The following RPS6KA5 variants were observed in gnomAD, a reference collection of about 807,000 sequenced individuals.
RPS6KA5 encodes the protein ribosomal protein S6 kinase alpha-5.
Under a neutral mutation model 85.5 loss-of-function variants are expected in RPS6KA5, and 27 were observed. The observed-to-expected ratio is 0.32, with a 90% CI of 0.23 to 0.44. RPS6KA5 has a LOEUF of 0.44. Ranked by LOEUF, RPS6KA5 falls within the 20% of genes least tolerant of loss-of-function variation. The pLI, the probability that RPS6KA5 is intolerant of heterozygous loss-of-function variation, is 1.00. For synonymous variants in RPS6KA5, 334 were observed against 348.2 expected (o/e 0.96, Z 0.46); for missense variants, 811 against 980.9 (o/e 0.83, Z 2.31).
rs899644656 is a variant in RPS6KA5 at position 90,856,379 on chromosome 14, T to C, written c.*15695A>G. On this transcript the variant is annotated 3_prime_UTR_variant, in exon 17 of 17. Transcript: ENST00000614987. ...TGCGTGATTTTTTTTTTTTTTTTTT[T>C]TGAGACGGAGTTTCACTCTTGTTGC... The C allele has an allele frequency of 6.3e-6, 1 of 158,782 alleles. No homozygotes were observed. The highest frequency in any genetic ancestry group is 2.4e-5 in the African/African-American group (1 of 41,270). The allele number at this position is 158,782 out of a possible 1,614,324, so 9.8% of individuals were successfully genotyped here. A position where few individuals can be genotyped will look rare whatever the true frequency, so the allele number is the denominator to read the frequency against.
rs149802577 is a variant in RPS6KA5 at position 90,909,121 on chromosome 14, G to C, written c.807-2822C>G. ...AGTGTGAACGTCAATCTGAACCCTA[G>C]ACCACTGCTGCCTATGCAGAATGGG... is the stretch of plus-strand genomic sequence containing the variant. On this transcript the variant is annotated intron_variant, in intron 7 of 16. Transcript: ENST00000614987. 3.2e-3 allele frequency among the ~76,000 whole-genome samples: 486 copies of C among 152,318 alleles called. 1 individual carries two copies. The highest frequency in any genetic ancestry group is 0.02 in the Middle Eastern group (6 of 294).
At chr14:90,994,936 CT>C (rs2040457278) in intron 2 of RPS6KA5, among the ~76,000 whole-genome samples, 1 of 152,094 alleles carries the variant, frequency 6.6e-6, no homozygotes, top group Non-Finnish European at 1.5e-5. Flanking sequence ...TCCTTAAGAT[CT>C]AAGTAAATCC....
chr14:91,023,187 T>C (rs2041857559), intron 1 of RPS6KA5, among the ~76,000 whole-genome samples: 1 of 150,612 alleles, frequency 6.6e-6, no homozygotes, highest in Non-Finnish European at 1.5e-5. Context: ...GTGCTCACCA[T>C]CAGGTTGTTT....
Position 91,040,334 on chromosome 14 carries a change from A to G in RPS6KA5, c.103+19998T>C, listed in dbSNP as rs190266789. 9.5e-4 allele frequency among the ~76,000 whole-genome samples: 144 copies of G among 152,314 alleles called. 2 individuals are homozygous for G. The highest frequency in any genetic ancestry group is 4.2e-3 in the Admixed American group (64 of 15,294). ...GAGGCCGGAGAATCGCTTGAACCCG[A>G]GAGGTGGAGGTTCCAGTGAGCCGAG... On this transcript the variant is annotated intron_variant, in intron 1 of 16. Transcript: ENST00000614987.
At chr14:91,052,658 A>G (rs1257803221) in intron 1 of RPS6KA5, among the ~76,000 whole-genome samples, 1 of 149,086 alleles carries the variant, frequency 6.7e-6, no homozygotes, top group Non-Finnish European at 1.5e-5. Context: ...CCCCGTCTCT[A>G]CTAAAAGTAC....
intron 1 of RPS6KA5, among the ~76,000 whole-genome samples, chr14:91,034,365 T>C (rs2042312426): frequency 6.6e-6 from 1 of 151,892 alleles, no homozygotes; most frequent in African/African-American, 2.4e-5. Flanking sequence ...CATAGCTGTC[T>C]GAGGTGATGA....
intron 1 of RPS6KA5, among the ~76,000 whole-genome samples, chr14:91,042,131 T>C (rs2042629652): frequency 6.6e-6 from 1 of 152,234 alleles, no homozygotes; most frequent in Non-Finnish European, 1.5e-5. Flanking sequence ...GAAAACCTCT[T>C]TCAGTAAGTT....
At chr14:91,055,351 T>C (rs2043270230) in intron 1 of RPS6KA5, among the ~76,000 whole-genome samples, 1 of 152,218 alleles carries the variant, frequency 6.6e-6, no homozygotes, top group Admixed American at 6.5e-5. Flanking sequence ...CAGCATTATT[T>C]ACAATAGCCA....
chr14:90,867,046 A>G lies in RPS6KA5; in HGVS notation c.*5028T>C, dbSNP rs1399182650. 2 of 152,210 alleles carry G rather than the reference A, an allele frequency of 1.3e-5. No individual in the cohort carries two copies. Among genetic ancestry groups the G allele is most frequent in the East Asian group, 1.9e-4 (1 of 5,200 alleles). The allele number at this position is 152,210 out of a possible 1,614,324, so 9.4% of individuals were successfully genotyped here. A position where few individuals can be genotyped will look rare whatever the true frequency, so the allele number is the denominator to read the frequency against. On this transcript the variant is annotated 3_prime_UTR_variant, in exon 17 of 17. Transcript: ENST00000614987. ...TCCAACATAGCAGTGCACATTTCAC[A>G]TGACCAGCCTCTTATGTAGTTAAAA... is the stretch of plus-strand genomic sequence containing the variant.
intron 3 of RPS6KA5, among the ~76,000 whole-genome samples, chr14:90,968,882 T>C (rs2039195871): frequency 6.6e-6 from 1 of 152,252 alleles, no homozygotes; most frequent in African/African-American, 2.4e-5. Flanking sequence ...AACAATCTTT[T>C]TATTTTAGCA....
chr14:91,015,476 C>T lies in RPS6KA5; in HGVS notation c.104-14317G>A, dbSNP rs1194609688. On this transcript the variant is annotated intron_variant, in intron 1 of 16. Transcript: ENST00000614987. ...TATGTTTTGAATTACACTTTTCATA[C>T]AAGATATAGTTTCTTATAGTCCAAA... Among the ~76,000 whole-genome samples the T allele has an allele frequency of 9.9e-5, 15 of 152,252 alleles. No individual in the cohort carries two copies. The East Asian group carries it at 2.7e-3, about 27-fold the overall frequency.
At chr14:90,909,852 C>T (rs369649628) in intron 7 of RPS6KA5, among the ~76,000 whole-genome samples, 5 of 151,990 alleles carry the variant, frequency 3.3e-5, no homozygotes, top group East Asian at 1.9e-4. Context: ...AGTGCAGTGG[C>T]GCAATTCTCC....
At chr14:90,913,717 T>C (rs2035958105) in intron 7 of RPS6KA5, among the ~76,000 whole-genome samples, 1 of 152,192 alleles carries the variant, frequency 6.6e-6, no homozygotes, top group Non-Finnish European at 1.5e-5. Flanking sequence ...TCTCCAATCA[T>C]TCCATGATGG....
intron 1 of RPS6KA5, among the ~76,000 whole-genome samples, chr14:91,059,335 T>G (rs56317941): frequency 6.8e-6 from 1 of 146,848 alleles, no homozygotes; most frequent in African/African-American, 2.5e-5. Flanking sequence ...AGCGAAACTC[T>G]GTCTGAAAAA....
intron 2 of RPS6KA5, among the ~76,000 whole-genome samples, chr14:90,993,208 G>A (rs530613756): frequency 2.0e-5 from 3 of 152,244 alleles, no homozygotes; most frequent in African/African-American, 7.2e-5. Context: ...TTGGGAGGCC[G>A]AGGTGGGCAG....
chr14:91,011,235 C>T (rs1481383759), intron 1 of RPS6KA5, among the ~76,000 whole-genome samples: 1 of 152,110 alleles, frequency 6.6e-6, no homozygotes, highest in Non-Finnish European at 1.5e-5. Context: ...TGCCTGTAAT[C>T]CAAGCACTTT....
At chr14:90,928,761 A>C (rs1445174558) in intron 5 of RPS6KA5, among the ~76,000 whole-genome samples, 4 of 151,400 alleles carry the variant, frequency 2.6e-5, no homozygotes, top group Admixed American at 1.3e-4. Flanking sequence ...AAAAGGAAAA[A>C]AACACACTCT....
At chr14:91,051,010 G>A (rs1035951602) in intron 1 of RPS6KA5, among the ~76,000 whole-genome samples, 3 of 151,856 alleles carry the variant, frequency 2.0e-5, no homozygotes, top group Admixed American at 6.6e-5. Context: ...GGTGGAGCAC[G>A]TGAGGTCAGG....
intron 1 of RPS6KA5, among the ~76,000 whole-genome samples, chr14:91,044,742 G>A (rs552550176): frequency 6.6e-6 from 1 of 151,962 alleles, no homozygotes; most frequent in African/African-American, 2.4e-5. Flanking sequence ...GTGGTGGCAG[G>A]CACCTGTAAT....
Sources: gnomAD v4.1 joint callset for allele counts (sites outside exome capture counted in the v4.1 genomes callset) on GRCh38, gnomAD v4.1.1 for gene constraint, MANE v1.5 for transcripts, NCBI Gene and HGNC (gene_info 2026-07-23, HGNC 2026-07-21) for gene names.